Variants in NALF1 observed in about 807,000 individuals in gnomAD.
NALF1 encodes the protein family with sequence similarity 155 member A.
NALF1 carries 3 observed loss-of-function variants against 48.4 expected under a neutral mutation model. The ratio of observed to expected loss-of-function variants is 0.06; its 90% confidence interval spans 0.03 to 0.16. NALF1 has a LOEUF of 0.16. NALF1 is among the 10% of genes least tolerant of loss of function. NALF1 has a pLI of 1.00. For missense variants in NALF1, 526 were observed against 571.5 expected (o/e 0.92, Z 0.81); for synonymous variants, 262 against 245.7 (o/e 1.07, Z -0.62).
chr13:107,442,899 T>C (rs1884583666), intron 1 of NALF1, among the ~76,000 whole-genome samples: 1 of 152,180 alleles, frequency 6.6e-6, no homozygotes, highest in Admixed American at 6.5e-5. Flanking sequence ...CAGACTCATA[T>C]AACGCAAGAG....
intron 1 of NALF1, among the ~76,000 whole-genome samples, chr13:107,259,992 C>A (rs1019983271): frequency 2.6e-5 from 4 of 152,174 alleles, no homozygotes; most frequent in Admixed American, 2.0e-4. Flanking sequence ...AGATTTTCTT[C>A]ATGAATAAAT....
chr13:107,738,215 T>C (rs1040880457), intron 1 of NALF1, among the ~76,000 whole-genome samples: 2 of 152,244 alleles, frequency 1.3e-5, no homozygotes, highest in African/African-American at 2.4e-5. Flanking sequence ...AGTTCATTTA[T>C]GTCTTGCCAG....
At chr13:107,822,166 G>C (rs1007443558) in intron 1 of NALF1, among the ~76,000 whole-genome samples, 2 of 152,088 alleles carry the variant, frequency 1.3e-5, no homozygotes, top group African/African-American at 2.4e-5. Context: ...TGGCAGAGTA[G>C]ATAGGAAATA....
At chr13:107,514,815 A>T (rs1179305285) in intron 1 of NALF1, among the ~76,000 whole-genome samples, 11 of 152,182 alleles carry the variant, frequency 7.2e-5, no homozygotes, top group Admixed American at 2.0e-4. Context: ...TGCTGGCTGT[A>T]GCCTGAATCA....
chr13:107,865,097 T>TA, intron 1 of NALF1, among the ~76,000 whole-genome samples: 1 of 152,170 alleles, frequency 6.6e-6, no homozygotes, highest in Admixed American at 6.5e-5. Flanking sequence ...ACAGAAAACT[T>TA]AAAAAAAGTA....
intron 1 of NALF1, among the ~76,000 whole-genome samples, chr13:107,556,981 A>G (rs1877500692): frequency 6.6e-6 from 1 of 152,218 alleles, no homozygotes; most frequent in African/African-American, 2.4e-5. Context: ...CACAAATTGT[A>G]TAATGTGATT....
At position 107,691,487 on chromosome 13, in the gene NALF1, T is replaced by G. The variant is rs193240314; in HGVS notation, c.915+174195A>C. Reference sequence around the variant, plus strand: ...CCACACGCCCTTTGCCTTTGAGATCTGAATCAAAGCAAAAACAGGTCATCT... The same window carrying G: ...CCACACGCCCTTTGCCTTTGAGATCGGAATCAAAGCAAAAACAGGTCATCT... On this transcript the variant is annotated intron_variant, in intron 1 of 2. Coordinates refer to ENST00000375915, the MANE Select transcript of NALF1 (RefSeq NM_001080396.3). Among the ~76,000 whole-genome samples the G allele has an allele frequency of 3.9e-3, 589 of 152,334 alleles. 3 individuals are homozygous for G. Among genetic ancestry groups the G allele is most frequent in the African/African-American group, 0.013 (543 of 41,582 alleles).
At chr13:107,221,311 C>T (rs1001756915) in intron 1 of NALF1, among the ~76,000 whole-genome samples, 1 of 152,192 alleles carries the variant, frequency 6.6e-6, no homozygotes, top group Non-Finnish European at 1.5e-5. Context: ...GGCATGGTGG[C>T]TCATGCCTGT....
intron 1 of NALF1, among the ~76,000 whole-genome samples, chr13:107,270,352 A>G (rs957607855): frequency 2.0e-5 from 3 of 152,080 alleles, no homozygotes; most frequent in African/African-American, 7.2e-5. Flanking sequence ...TTAAGTGGGG[A>G]TCAAAATAGG....
At chr13:107,498,964 G>C (rs1875427706) in intron 1 of NALF1, among the ~76,000 whole-genome samples, 2 of 151,822 alleles carry the variant, frequency 1.3e-5, no homozygotes, top group Non-Finnish European at 2.9e-5. Context: ...ATGTCATTAG[G>C]GCTTCATCAA....
In NALF1 at chr13:107,644,114, TTATAAACCTAATACCA is replaced by T. The variant is rs577803813; in HGVS notation, c.915+221552_915+221567del. Among the ~76,000 whole-genome samples the T allele has an allele frequency of 5.8e-3, 883 of 152,182 alleles. 6 individuals are homozygous for T. The highest frequency in any genetic ancestry group is 0.02 in the African/African-American group (842 of 41,498). ...AAGTCTATATATGGATGAGGATAAT[TTATAAACCTAATACCA>T]TAAAATTTACGTCTTCAGAAATACT... On this transcript the variant is annotated intron_variant, in intron 1 of 2. Transcript: ENST00000375915.
chr13:107,645,797 C>A (rs1242084230), intron 1 of NALF1, among the ~76,000 whole-genome samples: 1 of 152,044 alleles, frequency 6.6e-6, no homozygotes, highest in Non-Finnish European at 1.5e-5. Flanking sequence ...GCAAAACCGG[C>A]ACCATGTATT....
chr13:107,721,299 G>T (rs562202578), intron 1 of NALF1, among the ~76,000 whole-genome samples: 1 of 151,924 alleles, frequency 6.6e-6, no homozygotes, highest in African/African-American at 2.4e-5. Flanking sequence ...ATCATCTTCC[G>T]CCAGCACCCA....
At position 107,761,544 on chromosome 13, in the gene NALF1, G is replaced by A. The variant is rs138372789; in HGVS notation, c.915+104138C>T. ...AACTGATATTCCACCTAGTCCAAGA[G>A]GACTGACTAGTTTTGTTAGTGCCTG... On this transcript the variant is annotated intron_variant, in intron 1 of 2. Coordinates refer to ENST00000375915, the MANE Select transcript of NALF1 (RefSeq NM_001080396.3). Among the ~76,000 whole-genome samples the A allele has an allele frequency of 2.4e-3, 358 of 152,200 alleles. 3 individuals carry two copies. Among genetic ancestry groups the A allele is most frequent in the African/African-American group, 8.1e-3 (337 of 41,538 alleles).
At chr13:107,668,710 C>T (rs928923265) in intron 1 of NALF1, among the ~76,000 whole-genome samples, 3 of 152,070 alleles carry the variant, frequency 2.0e-5, no homozygotes, top group Non-Finnish European at 2.9e-5. Flanking sequence ...CTGAGATGTG[C>T]TCATGTAGAG....
chr13:107,467,866 C>G (rs1046450283), intron 1 of NALF1, among the ~76,000 whole-genome samples: 1 of 151,870 alleles, frequency 6.6e-6, no homozygotes, highest in Non-Finnish European at 1.5e-5. Context: ...TGGTGAAACC[C>G]CATCTCTACA....
intron 1 of NALF1, among the ~76,000 whole-genome samples, chr13:107,810,856 T>C (rs1378904195): frequency 1.3e-5 from 2 of 152,152 alleles, no homozygotes; most frequent in Non-Finnish European, 2.9e-5. Context: ...TGCTTTCGCA[T>C]ATTGGTCAAT....
chr13:107,855,954 C>T (rs1287654863), intron 1 of NALF1, among the ~76,000 whole-genome samples: 1 of 151,836 alleles, frequency 6.6e-6, no homozygotes, highest in Non-Finnish European at 1.5e-5. Flanking sequence ...ATTATCCAGG[C>T]TGGAGTACAG....
At chr13:107,757,431 T>C (rs1362816977) in intron 1 of NALF1, among the ~76,000 whole-genome samples, 1 of 150,524 alleles carries the variant, frequency 6.6e-6, no homozygotes, top group East Asian at 1.9e-4. Context: ...TTTTTTTTTT[T>C]TTTCAGTCAA....
Sources: gnomAD v4.1 joint callset for allele counts (sites outside exome capture counted in the v4.1 genomes callset) on GRCh38, gnomAD v4.1.1 for gene constraint, MANE v1.5 for transcripts, NCBI Gene and HGNC (gene_info 2026-07-23, HGNC 2026-07-21) for gene names.